Variants in TACC1 observed in about 807,000 individuals in gnomAD.
TACC1 encodes transforming acidic coiled-coil-containing protein 1.
In TACC1, 48 loss-of-function variants were observed where a neutral mutation model predicts 84.4. That is an observed-to-expected ratio of 0.57 (90% CI 0.45 to 0.72). TACC1 has a LOEUF of 0.72. TACC1 is among the 30% of genes least tolerant of loss of function. The pLI, the probability that TACC1 is intolerant of heterozygous loss-of-function variation, is 0.00. For synonymous variants in TACC1, 372 were observed against 376.3 expected (o/e 0.99, Z 0.13); for missense variants, 920 against 973.0 (o/e 0.95, Z 0.72).
At chr8:38,804,515 G>A (rs1822192458) in intron 2 of TACC1, among the ~76,000 whole-genome samples, 1 of 152,142 alleles carries the variant, frequency 6.6e-6, no homozygotes, top group African/African-American at 2.4e-5. Context: ...TGGCCAGCCT[G>A]GTCTCAAACT....
chr8:38,797,806 G>A (rs772063869), intron 2 of TACC1, among the ~76,000 whole-genome samples: 1 of 152,232 alleles, frequency 6.6e-6, no homozygotes, highest in Non-Finnish European at 1.5e-5. Flanking sequence ...GTTAGCACGT[G>A]CTCTTTCCCC....
chr8:38,844,272 A>C (rs1011582504), intron 11 of TACC1, among the ~76,000 whole-genome samples: 7 of 152,184 alleles, frequency 4.6e-5, no homozygotes, highest in African/African-American at 1.7e-4. Flanking sequence ...TCCCGGGTTC[A>C]AGTGATTCTC....
At chr8:38,753,169 A>G (rs56168557) in intron 3 of TACC1, among the ~76,000 whole-genome samples, 1,523 of 152,182 alleles carry the variant, frequency 0.01, 22 homozygotes, top group African/African-American at 0.035. Flanking sequence ...GTGTGATCAC[A>G]GCTCATTGCA....
At chr8:38,749,355 C>T (rs1003723181) in intron 3 of TACC1, among the ~76,000 whole-genome samples, 1 of 152,058 alleles carries the variant, frequency 6.6e-6, no homozygotes, top group Non-Finnish European at 1.5e-5. Context: ...AAAAATAATA[C>T]CAATCCTACA....
At position 38,747,719 on chromosome 8, in the gene TACC1, T is replaced by C. The variant is rs553893407; in HGVS notation, c.26+2226T>C. Among the ~76,000 whole-genome samples, 23 of 152,302 alleles carry C rather than the reference T, an allele frequency of 1.5e-4. 1 individual carries two copies. The highest frequency in any genetic ancestry group is 5.3e-4 in the African/African-American group (22 of 41,568). ...GAGGCAAGGATGAATAGATGAAACATAGAAGATTTTTAAAGGAGTGTAACT... is the reference window on the plus strand; with the variant it reads ...GAGGCAAGGATGAATAGATGAAACACAGAAGATTTTTAAAGGAGTGTAACT... On this transcript the variant is annotated intron_variant, in intron 3 of 14. Transcript: ENST00000518415.
rs137985809 is a variant in TACC1 at position 38,820,415 on chromosome 8, A to G, written c.1171A>G (p.Ser391Gly). The G allele has an allele frequency of 1.1e-5, 18 of 1,614,020 alleles. No homozygotes were observed. The African/African-American group carries it at 2.4e-4, about 22-fold the overall frequency. The stretch of plus-strand genomic sequence containing the variant: ...CAAGCCAGATCCTAGTCAGTGGGAA[A>G]GCCCCAGCTTCAACCCCTTTGGGAG... The part of the protein sequence containing the change: ...SSKPDPSQWE[S>G]PSFNPFGSHS... The change falls in exon 3 of 13, where the codon AGC becomes GGC. Residue 391 changes from serine (S) to glycine (G), a missense_variant. Around this residue, in one of 2 missense-constraint regions of TACC1, gnomAD observed 762 missense variants for 747.3 expected, o/e 1.02. Coordinates refer to ENST00000317827, the MANE Select transcript of TACC1 (RefSeq NM_006283.3).
intron 2 of TACC1, among the ~76,000 whole-genome samples, chr8:38,817,296 C>G (rs993356349): frequency 1.3e-5 from 2 of 152,148 alleles, no homozygotes; most frequent in African/African-American, 4.8e-5. Context: ...TGTCTGCCTC[C>G]GCATCATCAG....
chr8:38,730,192 C>T (rs1804644085), intron 1 of TACC1, among the ~76,000 whole-genome samples: 1 of 152,208 alleles, frequency 6.6e-6, no homozygotes, highest in South Asian at 2.1e-4. Context: ...CTTACTCCGT[C>T]CTCCCATCCG....
At chr8:38,807,896 G>A (rs1191568637) in intron 2 of TACC1, among the ~76,000 whole-genome samples, 2 of 152,124 alleles carry the variant, frequency 1.3e-5, no homozygotes, top group Non-Finnish European at 2.9e-5. Flanking sequence ...ACTGCAAATA[G>A]TCTTTATCCT....
intron 11 of TACC1, 55 bp downstream of exon 11, chr8:38,843,450 G>A: frequency 7.3e-7 from 1 of 1,364,638 alleles, no homozygotes; most frequent in South Asian, 1.4e-5. Flanking sequence ...GGAAGATTGA[G>A]AGAGGAAAAC....
intron 2 of TACC1, among the ~76,000 whole-genome samples, chr8:38,791,389 G>A (rs550307401): frequency 1.3e-5 from 2 of 152,296 alleles, no homozygotes; most frequent in African/African-American, 4.8e-5. Context: ...ATATTATGAA[G>A]GCTTTCAGTT....
At chr8:38,752,870 G>C (rs1305071425) in intron 3 of TACC1, among the ~76,000 whole-genome samples, 2 of 152,028 alleles carry the variant, frequency 1.3e-5, no homozygotes, top group Non-Finnish European at 2.9e-5. Context: ...ACTCAGTTCT[G>C]TGAACGATTC....
At chr8:38,835,052 G>A (rs2152295629) in intron 6 of TACC1, among the ~76,000 whole-genome samples, 1 of 152,264 alleles carries the variant, frequency 6.6e-6, no homozygotes, top group East Asian at 1.9e-4. Context: ...AGGAGATTGA[G>A]ACCATCCTGG....
At chr8:38,772,140 G>A (rs1275319844) in intron 3 of TACC1, among the ~76,000 whole-genome samples, 1 of 152,072 alleles carries the variant, frequency 6.6e-6, no homozygotes, top group African/African-American at 2.4e-5. Context: ...GTTCAAATAA[G>A]ACCAGCAGTC....
chr8:38,785,818 T>A (rs1399160176), upstream of TACC1: 2 of 638,468 alleles, frequency 3.1e-6, no homozygotes, highest in East Asian at 2.7e-4. Flanking sequence ...TTCACTTCTT[T>A]ATAGTCGCTA....
At chr8:38,739,415 T>C (rs1439101881) in intron 1 of TACC1, among the ~76,000 whole-genome samples, 1 of 152,236 alleles carries the variant, frequency 6.6e-6, no homozygotes, top group Non-Finnish European at 1.5e-5. Flanking sequence ...TGGATCCCCA[T>C]GAGAAGCAAC....
chr8:38,745,365 A>C (rs1286412215), exon 3 of TACC1: 2 of 603,114 alleles, frequency 3.3e-6, no homozygotes, highest in East Asian at 5.7e-5. Flanking sequence ...ACAACCTAGC[A>C]TTCATCATAT....
At chr8:38,834,505 G>C (rs1409164695) in intron 6 of TACC1, among the ~76,000 whole-genome samples, 2 of 152,196 alleles carry the variant, frequency 1.3e-5, no homozygotes, top group Non-Finnish European at 2.9e-5. Flanking sequence ...CACTGCAAGT[G>C]CCTTCTGGTT....
In TACC1 at chr8:38,819,883, A is replaced by G; in HGVS notation, c.639A>G (p.Leu213=). 4 of 1,614,074 alleles carry G rather than the reference A, an allele frequency of 2.5e-6. No individual in the cohort carries two copies. The highest frequency in any genetic ancestry group is 2.2e-5 in the East Asian group (1 of 44,892). ...TCGAGGCCTCCGCAGAAGCTGATCT[A>G]AAAGCTGGCAACTCCTGTCCAGAGC... ...VTLEASAEAD[L]KAGNSCPELV... Residue 213 remains leucine, a synonymous_variant, in exon 3 of 13, where the codon CTA becomes CTG. Coordinates refer to ENST00000317827, the MANE Select transcript of TACC1 (RefSeq NM_006283.3).
Sources: allele counts gnomAD v4.1 joint callset (sites outside exome capture counted in the v4.1 genomes callset), GRCh38; gene constraint gnomAD v4.1.1; regional missense constraint gnomAD v4.1.1; transcripts MANE v1.5; gene names NCBI Gene and HGNC (gene_info 2026-07-23, HGNC 2026-07-21).